TLN2: variants seen among roughly 807,000 people sequenced by gnomAD.
The protein encoded by TLN2 is talin 2.
TLN2 carries 118 observed loss-of-function variants against 294.7 expected under a neutral mutation model. That is an observed-to-expected ratio of 0.40 (90% CI 0.34 to 0.47). The LOEUF is 0.47. TLN2 is among the 20% of genes least tolerant of loss of function. The pLI, the probability that TLN2 is intolerant of heterozygous loss-of-function variation, is 0.84. For missense variants in TLN2, 3,083 were observed against 3,282.2 expected (o/e 0.94, Z 1.48); for synonymous variants, 1,431 against 1,304.5 (o/e 1.10, Z -2.09).
At chr15:62,738,173 T>A in intron 29 of TLN2, 41 bp from the exon 30 acceptor site, 1 of 1,607,520 alleles carries the variant, frequency 6.2e-7, no homozygotes, top group Non-Finnish European at 8.5e-7. Context: ...TGTGCAGAAA[T>A]GTTTGTACTT....
At chr15:62,455,649 C>T (rs958112181) in intron 1 of TLN2, among the ~76,000 whole-genome samples, 1 of 152,214 alleles carries the variant, frequency 6.6e-6, no homozygotes, top group Non-Finnish European at 1.5e-5. Flanking sequence ...CCTTTGGTGG[C>T]CAAATCTCAC....
intron 1 of TLN2, among the ~76,000 whole-genome samples, chr15:62,412,460 G>A (rs2140256225): frequency 6.6e-6 from 1 of 152,318 alleles, no homozygotes; most frequent in Non-Finnish European, 1.5e-5. Flanking sequence ...TTCTGTTAAT[G>A]TTGACCCTGG....
chr15:62,534,306 A>T (rs1457934059), intron 1 of TLN2, among the ~76,000 whole-genome samples: 1 of 152,180 alleles, frequency 6.6e-6, no homozygotes, highest in Non-Finnish European at 1.5e-5. Flanking sequence ...TCTCCACTTG[A>T]GATGCCAGTG....
At chr15:62,788,050 C>T (rs2064818797) in intron 45 of TLN2, among the ~76,000 whole-genome samples, 1 of 150,916 alleles carries the variant, frequency 6.6e-6, no homozygotes, top group Non-Finnish European at 1.5e-5. Context: ...GTGGCTCACG[C>T]CTGTAATCCC....
intron 1 of TLN2, among the ~76,000 whole-genome samples, chr15:62,562,138 T>C (rs2043020331): frequency 1.3e-5 from 2 of 152,204 alleles, no homozygotes; most frequent in African/African-American, 4.8e-5. Flanking sequence ...ACAAATGATA[T>C]ATTTTGATTT....
chr15:62,833,214 A>T, intron 54 of TLN2: 1 of 340,652 alleles, frequency 2.9e-6, no homozygotes, highest in Non-Finnish European at 5.4e-6. Context: ...CATACAAAGA[A>T]AACTATTGCT....
intron 1 of TLN2, among the ~76,000 whole-genome samples, chr15:62,446,275 G>A (rs998149445): frequency 6.6e-6 from 1 of 152,114 alleles, no homozygotes; most frequent in Non-Finnish European, 1.5e-5. Flanking sequence ...TCACAGGTGC[G>A]AGCCACCGCG....
intron 22 of TLN2, among the ~76,000 whole-genome samples, chr15:62,713,781 C>T (rs1053163849): frequency 6.6e-6 from 1 of 152,062 alleles, no homozygotes; most frequent in East Asian, 1.9e-4. Flanking sequence ...TTAGAGACAC[C>T]TCGTGGGTAG....
chr15:62,628,220 T>C (rs1259714544), intron 3 of TLN2, among the ~76,000 whole-genome samples: 2 of 152,254 alleles, frequency 1.3e-5, no homozygotes, highest in African/African-American at 4.8e-5. Context: ...TCTCCTTTAC[T>C]AGTAACTCAC....
chr15:62,582,891 T>TG (rs2045265974), intron 1 of TLN2, among the ~76,000 whole-genome samples: 1 of 152,176 alleles, frequency 6.6e-6, no homozygotes, highest in Admixed American at 6.5e-5. Flanking sequence ...AGGAAAACCC[T>TG]GGCCATTAAC....
chr15:62,771,433 C>T (rs901074011), intron 42 of TLN2, among the ~76,000 whole-genome samples: 5 of 152,362 alleles, frequency 3.3e-5, no homozygotes, highest in African/African-American at 1.2e-4. Context: ...TGGGTCCCTG[C>T]TCAGCACTGA....
intron 1 of TLN2, among the ~76,000 whole-genome samples, chr15:62,428,676 T>G (rs1566963891): frequency 1.3e-5 from 2 of 152,172 alleles, no homozygotes; most frequent in Non-Finnish European, 2.9e-5. Flanking sequence ...AAAAGCTCTT[T>G]TTATGAGAGT....
intron 1 of TLN2, among the ~76,000 whole-genome samples, chr15:62,532,269 G>T (rs1241413560): frequency 6.6e-6 from 1 of 151,852 alleles, no homozygotes. Flanking sequence ...TGTTCTGTTT[G>T]TTTTTTTAGT....
intron 1 of TLN2, among the ~76,000 whole-genome samples, chr15:62,565,366 T>C (rs1281355367): frequency 2.0e-5 from 3 of 152,214 alleles, no homozygotes; most frequent in Non-Finnish European, 2.9e-5. Context: ...TGCACTAGAC[T>C]GACAGATGAT....
intron 17 of TLN2, among the ~76,000 whole-genome samples, chr15:62,701,483 C>G (rs2058717608): frequency 1.3e-5 from 2 of 152,148 alleles, no homozygotes. Context: ...GTGTGCCGGA[C>G]ATACTGCAAA....
In TLN2 at chr15:62,697,717, G is replaced by A. The variant is rs779511723; in HGVS notation, c.1322G>A (p.Arg441Gln). 19 of 1,602,736 alleles carry A rather than the reference G, an allele frequency of 1.2e-5. No individual in the cohort carries two copies. The highest frequency in any genetic ancestry group is 8.4e-5 in the Admixed American group (5 of 59,230). ...KSTILQQQFNRTGKAEHGSVA... is the reference protein window; with the variant it reads ...KSTILQQQFNQTGKAEHGSVA... ...ACCATCTTGCAGCAGCAGTTCAACCGGACCGGGAAGGCAGAGCACGGCTCA... is the reference window on the plus strand; with the variant it reads ...ACCATCTTGCAGCAGCAGTTCAACCAGACCGGGAAGGCAGAGCACGGCTCA... Residue 441 changes from arginine (R) to glutamine (Q), a missense_variant, in exon 15 of 59, where the codon CGG becomes CAG. Arg to Gln is a conservative substitution (Grantham distance 43). Coordinates refer to ENST00000636159, the MANE Select transcript of TLN2 (RefSeq NM_015059.3).
chr15:62,825,841 A>ATT lies in TLN2; in HGVS notation c.7002+5232_7002+5233insTT, dbSNP rs1214062365. ...TAATATATATTATAATATATAATAT[A>ATT]TATAAATATATTATATATATATATA... On this transcript the variant is annotated intron_variant, in intron 54 of 58. Transcript: ENST00000636159. Among the ~76,000 whole-genome samples, 13 of 89,672 alleles carry ATT rather than the reference A, an allele frequency of 1.4e-4. 2 individuals carry two copies. Among genetic ancestry groups the ATT allele is most frequent in the African/African-American group, 7.2e-4 (13 of 18,050 alleles). 58.8% of individuals were successfully genotyped at this position (89,672 alleles called of 152,430 possible).
intron 28 of TLN2, among the ~76,000 whole-genome samples, chr15:62,736,671 T>C (rs1567491722): frequency 6.6e-6 from 1 of 152,218 alleles, no homozygotes; most frequent in Admixed American, 6.5e-5. Context: ...GCATTTGTTA[T>C]TAATGTGTCT....
At position 62,714,951 on chromosome 15, in the gene TLN2, A is replaced by G. The variant is rs148786965; in HGVS notation, c.2635-1380A>G. Among the ~76,000 whole-genome samples the G allele has an allele frequency of 4.9e-4, 75 of 152,376 alleles. No homozygotes were observed. The East Asian group carries it at 0.011, about 23-fold the overall frequency. ...ATAAAATTAGGCTGATGTGCACTTG[A>G]GACATATATAAAGGAGCAGCTTAGA... is the stretch of plus-strand genomic sequence containing the variant. On this transcript the variant is annotated intron_variant, in intron 22 of 58. Coordinates refer to ENST00000636159, the MANE Select transcript of TLN2 (RefSeq NM_015059.3).
Sources: gnomAD v4.1 joint callset for allele counts (sites outside exome capture counted in the v4.1 genomes callset) on GRCh38, gnomAD v4.1.1 for gene constraint, MANE v1.5 for transcripts, NCBI Gene and HGNC (gene_info 2026-07-23, HGNC 2026-07-21) for gene names.